The following TMC6 variants were observed in gnomAD, a reference collection of about 807,000 sequenced individuals.
TMC6 encodes the protein transmembrane channel like 6.
In TMC6, 71 loss-of-function variants were observed where a neutral mutation model predicts 95.4. The observed-to-expected ratio is 0.74, with a 90% confidence interval of 0.61 to 0.91. The LOEUF (loss-of-function observed/expected upper bound fraction) is 0.91, where lower values mean the gene tolerates loss of function less well. Among genes scored for constraint, TMC6 ranks in the 40% least tolerant of loss-of-function variants. The probability of loss-of-function intolerance (pLI) is 0.00; values close to 1 mark genes in which losing one functional copy is unlikely to be tolerated. For synonymous variants in TMC6, 514 were observed against 483.1 expected, an observed-to-expected ratio of 1.06 and a Z score of -0.84; for missense variants, 1,074 against 1,079.1, an observed-to-expected ratio of 1.00 and a Z score of 0.07.
chr17:78,113,098 A>T lies in TMC6; in HGVS notation c.*50T>A, dbSNP rs909146103. On this transcript the variant is annotated 3_prime_UTR_variant, in exon 20 of 20. Coordinates refer to ENST00000590602, the MANE Select transcript of TMC6 (RefSeq NM_001127198.5). ...CCCAGCAGGGTCACTGGGAGGCAAC[A>T]GTGTGGTCTCAGGGTGCTGGGCGGG... 7 of 1,544,828 alleles carry T rather than the reference A, an allele frequency of 4.5e-6. No homozygotes were observed. The African/African-American group carries it at 9.6e-5, about 21-fold the overall frequency.
chr17:78,126,195 C>G (rs2074704936), intron 4 of TMC6, 82 bp downstream of exon 4: 1 of 1,514,794 alleles, frequency 6.6e-7, no homozygotes, highest in Non-Finnish European at 8.9e-7. Context: ...AGGGAGATGC[C>G]TGGCAGGAAG....
rs1476949682 is a variant in TMC6 at position 78,111,387 on chromosome 17, G to A, written c.*1761C>T. ...ATGATCATGCTGGCAAGCCAGCAGT[G>A]GCAGGCGCACGTCCCCAGCCAGAGA... On this transcript the variant is annotated 3_prime_UTR_variant, in exon 20 of 20. Coordinates refer to ENST00000590602, the MANE Select transcript of TMC6 (RefSeq NM_001127198.5). 1 of 152,402 alleles carries A rather than the reference G, an allele frequency of 6.6e-6. No homozygotes were observed. The highest frequency in any genetic ancestry group is 2.4e-5 in the African/African-American group (1 of 41,470). 9.4% of individuals were successfully genotyped at this position (152,402 alleles called of 1,614,324 possible). A position where few individuals can be genotyped will look rare whatever the true frequency, so the allele number is the denominator to read the frequency against.
Position 78,117,793 on chromosome 17 carries a change from C to A in TMC6, c.2021+9G>T. On this transcript the variant is annotated intron_variant, in intron 16 of 19. Coordinates refer to ENST00000590602, the MANE Select transcript of TMC6 (RefSeq NM_001127198.5). The stretch of plus-strand genomic sequence containing the variant: ...CACAGAAGGGTCTCCCTCCACCCGC[C>A]CCACTCACTGCCAGACGGCGTAGCA... 1 of 1,604,708 alleles carries A rather than the reference C, an allele frequency of 6.2e-7. No homozygotes were observed.
In TMC6 at chr17:78,125,790, G is replaced by A. The variant is rs1568001905; in HGVS notation, c.366C>T (p.Arg122=). Reference sequence around the variant, plus strand: ...ACAGGCGGAGGCTGGGCCAGGCGGAGCGGACAAAGTTCCCGAGCAGGGGCC... The same window carrying A: ...ACAGGCGGAGGCTGGGCCAGGCGGAACGGACAAAGTTCCCGAGCAGGGGCC... ...SSRPLLGNFV[R]SAWPSLRLYD... Residue 122 remains arginine, a synonymous_variant, in exon 5 of 20, where the codon CGC becomes CGT. Coordinates refer to ENST00000590602, the MANE Select transcript of TMC6 (RefSeq NM_001127198.5). 1 of 1,561,826 alleles carries A rather than the reference G, an allele frequency of 6.4e-7. No homozygotes were observed. The highest frequency in any genetic ancestry group is 8.7e-7 in the Non-Finnish European group (1 of 1,153,318).
rs2073862225 is a variant in TMC6 at position 78,112,859 on chromosome 17, C to G, written c.*289G>C. On this transcript the variant is annotated 3_prime_UTR_variant, in exon 20 of 20. Coordinates refer to ENST00000590602, the MANE Select transcript of TMC6 (RefSeq NM_001127198.5). ...CCAGACCTGCGCCTGGAGGTGGCCC[C>G]AGGGCAGCGGGAAGCAGGCCCCGGG... The G allele has an allele frequency of 2.0e-6, 1 of 492,732 alleles. No individual in the cohort carries two copies. The highest frequency in any genetic ancestry group is 2.6e-5 in the South Asian group (1 of 38,192). The allele number at this position is 492,732 out of a possible 1,614,324, so 30.5% of individuals were successfully genotyped here.
Position 78,112,921 on chromosome 17 carries a change from A to C in TMC6, c.*227T>G. On this transcript the variant is annotated 3_prime_UTR_variant, in exon 20 of 20. Coordinates refer to ENST00000590602, the MANE Select transcript of TMC6 (RefSeq NM_001127198.5). ...ACACAGAGCCCCAAGGGACAAGCCC[A>C]TTTGCAAAACCCCTTTAATCAGAAT... The C allele has an allele frequency of 1.7e-6, 1 of 578,456 alleles. No homozygotes were observed. 35.8% of individuals were successfully genotyped at this position (578,456 alleles called of 1,614,324 possible). A position where few individuals can be genotyped will look rare whatever the true frequency, so the allele number is the denominator to read the frequency against.
At chr17:78,115,916 A>C (rs2074081251) in intron 18 of TMC6, among the ~76,000 whole-genome samples, 1 of 149,968 alleles carries the variant, frequency 6.7e-6, no homozygotes, top group Non-Finnish European at 1.5e-5. Flanking sequence ...CACAGGGGCG[A>C]AGGGAGTGGG....
rs941251243 is a variant in TMC6 at position 78,122,940 on chromosome 17, A to G, written c.1083-191T>C. 5 of 735,590 alleles carry G rather than the reference A, an allele frequency of 6.8e-6. No homozygotes were observed. The highest frequency in any genetic ancestry group is 6.6e-5 in the Admixed American group (3 of 45,158). The allele number at this position is 735,590 out of a possible 1,614,324, so 45.6% of individuals were successfully genotyped here. On this transcript the variant is annotated intron_variant, in intron 9 of 19. Coordinates refer to ENST00000590602, the MANE Select transcript of TMC6 (RefSeq NM_001127198.5). The surrounding 1 kb of genome is among the most constrained non-coding windows in gnomAD (Gnocchi z 4.9). ...CTACACCAGTCTCATCCAACATAGC[A>G]CCCACCAGCCACATCTGCCTAGAAG...
chr17:78,118,045 G>A (rs2074221932), intron 15 of TMC6, 110 bp from the exon 16 acceptor site: 18 of 1,522,800 alleles, frequency 1.2e-5, no homozygotes, highest in Non-Finnish European at 1.6e-5. Flanking sequence ...TCCAGGCAGA[G>A]CCTGGACCCT....
intron 17 of TMC6, 50 bp downstream of exon 17, chr17:78,117,418 G>GGC: frequency 6.2e-7 from 1 of 1,611,246 alleles, no homozygotes; most frequent in Non-Finnish European, 8.5e-7. Context: ...ACACGGTGCA[G>GGC]GCCCAGCGAG....
At position 78,122,152 on chromosome 17, in the gene TMC6, C is replaced by T. The variant is rs527425708; in HGVS notation, c.1228-441G>A. On this transcript the variant is annotated intron_variant, in intron 10 of 19. Coordinates refer to ENST00000590602, the MANE Select transcript of TMC6 (RefSeq NM_001127198.5). The surrounding 1 kb of genome is among the most constrained non-coding windows in gnomAD (Gnocchi z 4.9). Reference sequence around the variant, plus strand: ...CCCCAGAAAGGCAGAGAATGTTCCACGAGGCCCGGCTCTGCAGCCTCCTGG... The same window carrying T: ...CCCCAGAAAGGCAGAGAATGTTCCATGAGGCCCGGCTCTGCAGCCTCCTGG... Among the ~76,000 whole-genome samples the T allele has an allele frequency of 9.2e-5, 14 of 152,270 alleles. No homozygotes were observed. The East Asian group carries it at 1.2e-3, about 13-fold the overall frequency.
At chr17:78,123,907 G>C in intron 9 of TMC6, 82 bp downstream of exon 9, 1 of 1,550,868 alleles carries the variant, frequency 6.4e-7, no homozygotes. Flanking sequence ...GAAAGGAAGA[G>C]GGAAGAATCA....
chr17:78,121,733 C>T lies in TMC6; in HGVS notation c.1228-22G>A, dbSNP rs558239941. 2.9e-5 allele frequency: 45 copies of T among 1,562,130 alleles called. No individual in the cohort carries two copies. The highest frequency in any genetic ancestry group is 2.3e-4 in the South Asian group (20 of 86,878). ...GCTCCTGCAGGCGGCACCGTGTCCC[C>T]GTCACCCACACCAGAGCACGGGCAC... On this transcript the variant is annotated intron_variant, in intron 10 of 19. Coordinates refer to ENST00000590602, the MANE Select transcript of TMC6 (RefSeq NM_001127198.5). The surrounding 1 kb of genome is among the most constrained non-coding windows in gnomAD (Gnocchi z 5.6).
Position 78,122,474 on chromosome 17 carries a change from G to T in TMC6, c.1227+131C>A. The T allele has an allele frequency of 2.9e-6, 4 of 1,377,700 alleles. No homozygotes were observed. The highest frequency in any genetic ancestry group is 3.9e-6 in the Non-Finnish European group (4 of 1,019,832). The allele number at this position is 1,377,700 out of a possible 1,614,324, so 85.3% of individuals were successfully genotyped here. On this transcript the variant is annotated intron_variant, in intron 10 of 19. Coordinates refer to ENST00000590602, the MANE Select transcript of TMC6 (RefSeq NM_001127198.5). This position sits in a 1 kb window ranked among gnomAD's most constrained non-coding sequence, Gnocchi z 4.9. ...AAGCAGAAGACCACGCCTGCCCAGCGCCCCGAGTTCAGCTCACGGACAGCT... is the reference window on the plus strand; with the variant it reads ...AAGCAGAAGACCACGCCTGCCCAGCTCCCCGAGTTCAGCTCACGGACAGCT...
rs557830779 is a variant in TMC6, at chr17:78,107,875, T to C, written c.*5273A>G. ...TATTTGGAGAGAAGAGTAATGAGGATTTTTTGTGTTTCCTAGACATTTTAT... is the reference window on the plus strand; with the variant it reads ...TATTTGGAGAGAAGAGTAATGAGGACTTTTTGTGTTTCCTAGACATTTTAT... On this transcript the variant is annotated 3_prime_UTR_variant, in exon 20 of 20. Transcript: ENST00000590602. The C allele has an allele frequency of 6.6e-6, 1 of 152,304 alleles. No individual in the cohort carries two copies. The highest frequency in any genetic ancestry group is 2.1e-4 in the South Asian group (1 of 4,832). The allele number at this position is 152,304 out of a possible 1,614,324, so 9.4% of individuals were successfully genotyped here.
At position 78,108,041 on chromosome 17, in the gene TMC6, G is replaced by C. The variant is rs554678357; in HGVS notation, c.*5107C>G. The C allele has an allele frequency of 6.6e-6, 1 of 152,216 alleles. No homozygotes were observed. The highest frequency in any genetic ancestry group is 2.1e-4 in the South Asian group (1 of 4,832). The allele number at this position is 152,216 out of a possible 1,614,324, so 9.4% of individuals were successfully genotyped here. ...TGAGTCCCTTCCTAGGACACTGGCCGTGGCCTTCAGGGTGACCAGTCAGTG... is the reference window on the plus strand; with the variant it reads ...TGAGTCCCTTCCTAGGACACTGGCCCTGGCCTTCAGGGTGACCAGTCAGTG... On this transcript the variant is annotated 3_prime_UTR_variant, in exon 20 of 20. Transcript: ENST00000590602.
At position 78,121,238 on chromosome 17, in the gene TMC6, C is replaced by G; in HGVS notation, c.1384-74G>C. The stretch of plus-strand genomic sequence containing the variant: ...GGAGCGGGCAGCTACAGGGAAGGGC[C>G]CGGGGTGGAACTGGCAGGTAGCACC... On this transcript the variant is annotated intron_variant, in intron 11 of 19. Coordinates refer to ENST00000590602, the MANE Select transcript of TMC6 (RefSeq NM_001127198.5). The surrounding 1 kb of genome is among the most constrained non-coding windows in gnomAD (Gnocchi z 5.6). 6 of 1,539,460 alleles carry G rather than the reference C, an allele frequency of 3.9e-6. No individual in the cohort carries two copies. The highest frequency in any genetic ancestry group is 2.4e-5 in the South Asian group (2 of 84,218).
In TMC6 at chr17:78,120,712, G is replaced by A; in HGVS notation, c.1656C>T (p.Phe552=). Residue 552 remains phenylalanine (F), a synonymous_variant, in exon 13 of 20, where the codon TTC becomes TTT. Transcript: ENST00000590602. ...EDFVGQELYR[F]LVMDFVLMLL... ...ACATGAGGACGAAGTCCATCACCAG[G>A]AACCGGTACAGCTCCTGGCCCACAA... 2 of 1,614,002 alleles carry A rather than the reference G, an allele frequency of 1.2e-6. No individual in the cohort carries two copies. Among genetic ancestry groups the A allele is most frequent in the Non-Finnish European group, 1.7e-6 (2 of 1,180,034 alleles).
intron 19 of TMC6, among the ~76,000 whole-genome samples, 157 bp downstream of exon 19, chr17:78,113,391 G>T (rs1443114791): frequency 6.6e-6 from 1 of 152,228 alleles, no homozygotes; most frequent in African/African-American, 2.4e-5. Context: ...GCTCTAGAGA[G>T]AGTGAAGGTG....
Sources: gnomAD v4.1 joint callset for allele counts (sites outside exome capture counted in the v4.1 genomes callset) on GRCh38, gnomAD v4.1.1 for gene constraint, Gnocchi (gnomAD v3.1) non-coding constraint, MANE v1.5 for transcripts, NCBI Gene and HGNC (gene_info 2026-07-23, HGNC 2026-07-21) for gene names.